EYS: variants seen among roughly 807,000 people sequenced by gnomAD.
EYS encodes protein eyes shut homolog.
Under a neutral mutation model 282.1 loss-of-function variants are expected in EYS, and 250 were observed. That is an observed-to-expected ratio of 0.89 (90% confidence interval 0.80 to 0.98). The LOEUF (loss-of-function observed/expected upper bound fraction) is 0.98, where lower values mean the gene tolerates loss of function less well. Ranked by LOEUF, EYS falls within the 50% of genes least tolerant of loss-of-function variation. The pLI is 0.00. For missense variants in EYS, 4,016 were observed against 3,709.0 expected (o/e 1.08, Z -2.15); for synonymous variants, 1,355 against 1,282.9 (o/e 1.06, Z -1.20).
At chr6:63,784,263 A>ATCTC (rs367672724) in intron 39 of EYS, among the ~76,000 whole-genome samples, 5 of 148,286 alleles carry the variant, frequency 3.4e-5, no homozygotes, top group Admixed American at 1.3e-4. Context: ...CTTATTAAAA[A>ATCTC]TCTCTCTCTC....
chr6:65,051,973 C>T (rs1169607064), intron 13 of EYS, among the ~76,000 whole-genome samples: 1 of 151,476 alleles, frequency 6.6e-6, no homozygotes, highest in Non-Finnish European at 1.5e-5. Flanking sequence ...TCTTTAAATA[C>T]TTCATTGGTA....
At chr6:64,192,474 A>G (rs936396236) in intron 31 of EYS, among the ~76,000 whole-genome samples, 2 of 152,172 alleles carry the variant, frequency 1.3e-5, no homozygotes, top group Non-Finnish European at 2.9e-5. Context: ...TACTGGTATC[A>G]AAACAGAGAT....
At chr6:64,253,472 C>T (rs771694514) in intron 30 of EYS, among the ~76,000 whole-genome samples, 9 of 152,200 alleles carry the variant, frequency 5.9e-5, no homozygotes, top group Non-Finnish European at 1.3e-4. Context: ...GCAACAAACA[C>T]TTGCACAATT....
intron 29 of EYS, among the ~76,000 whole-genome samples, chr6:64,370,777 AT>A (rs1403537243): frequency 7.2e-5 from 11 of 151,988 alleles, no homozygotes; most frequent in Admixed American, 5.9e-4. Flanking sequence ...GAATTTTTCC[AT>A]TTCTACTATG....
intron 41 of EYS, among the ~76,000 whole-genome samples, chr6:63,749,422 G>T (rs920621798): frequency 1.3e-5 from 2 of 152,186 alleles, no homozygotes; most frequent in Non-Finnish European, 2.9e-5. Flanking sequence ...CAATTTTAGA[G>T]TGTGTGCCAT....
intron 12 of EYS, among the ~76,000 whole-genome samples, chr6:65,277,504 A>AAAACTTTTTT (rs1768082144): frequency 6.6e-6 from 1 of 151,932 alleles, no homozygotes; most frequent in Non-Finnish European, 1.5e-5. Flanking sequence ...CTATGTGAGG[A>AAAACTTTTTT]TACAAGGAGT....
intron 26 of EYS, among the ~76,000 whole-genome samples, chr6:64,471,026 G>A (rs185311965): frequency 4.7e-4 from 72 of 152,160 alleles, no homozygotes; most frequent in African/African-American, 1.7e-3. Flanking sequence ...TCTTCCAAGG[G>A]ACACTATTGT....
chr6:63,835,838 T>A (rs1018305200), intron 36 of EYS, among the ~76,000 whole-genome samples: 1 of 152,060 alleles, frequency 6.6e-6, no homozygotes, highest in Non-Finnish European at 1.5e-5. Flanking sequence ...TAGAAAAAAG[T>A]GATAAATTTG....
At position 65,494,770 on chromosome 6, in the gene EYS, A is replaced by G. The variant is rs77850915; in HGVS notation, c.641T>C (p.Leu214Pro). ...ACATGGTTTAAAAGAACATGCATCA[A>G]GTTCCTGGCAGTATTTTCCAGAAAA... ...PPFSGKYCQE[L>P]DACSFKPCKN... The change falls in exon 4 of 43, where the codon CTT (leucine) becomes CCT (proline). Residue 214 changes from leucine to proline, a missense_variant. Coordinates refer to ENST00000503581, the MANE Select transcript of EYS (RefSeq NM_001142800.2). 7 of 1,614,126 alleles carry G rather than the reference A, an allele frequency of 4.3e-6. No homozygotes were observed. In the South Asian group the frequency reaches 6.6e-5, roughly 15 times the overall value.
chr6:65,048,963 T>A (rs964926473), intron 13 of EYS, among the ~76,000 whole-genome samples: 1 of 151,860 alleles, frequency 6.6e-6, no homozygotes, highest in Non-Finnish European at 1.5e-5. Context: ...CTTTCCAGTG[T>A]GCCATAAGTA....
intron 34 of EYS, among the ~76,000 whole-genome samples, chr6:63,996,222 C>G (rs891258733): frequency 6.6e-6 from 1 of 151,770 alleles, no homozygotes; most frequent in African/African-American, 2.4e-5. Flanking sequence ...AATAAGCCAG[C>G]CACAGAGTAC....
chr6:64,296,024 A>G (rs1421149313), intron 30 of EYS, among the ~76,000 whole-genome samples: 1 of 152,244 alleles, frequency 6.6e-6, no homozygotes, highest in South Asian at 2.1e-4. Context: ...TAAAAGATCC[A>G]TTCAAAATGC....
At chr6:65,459,364 T>C (rs1368892414) in intron 5 of EYS, among the ~76,000 whole-genome samples, 1 of 152,102 alleles carries the variant, frequency 6.6e-6, no homozygotes, top group Non-Finnish European at 1.5e-5. Context: ...GAATAATTGC[T>C]GTCATTATCT....
intron 2 of EYS, among the ~76,000 whole-genome samples, chr6:65,594,907 T>C (rs1267765249): frequency 2.6e-5 from 4 of 152,248 alleles, no homozygotes; most frequent in Middle Eastern, 6.8e-3. Context: ...CCAGCACCAT[T>C]TATTAAATAG....
At chr6:64,660,792 C>A (rs1173923567) in intron 22 of EYS, among the ~76,000 whole-genome samples, 2 of 152,138 alleles carry the variant, frequency 1.3e-5, no homozygotes, top group Non-Finnish European at 2.9e-5. Context: ...GAATCAATAT[C>A]ATGAAAATGG....
At chr6:64,548,453 A>T (rs530862487) in intron 26 of EYS, among the ~76,000 whole-genome samples, 2 of 152,216 alleles carry the variant, frequency 1.3e-5, no homozygotes, top group Non-Finnish European at 2.9e-5. Flanking sequence ...GGTAGACTGG[A>T]TTAAGAAAAT....
chr6:65,695,664 A>G (rs1316135536), intron 1 of EYS, among the ~76,000 whole-genome samples: 1 of 151,924 alleles, frequency 6.6e-6, no homozygotes, highest in Admixed American at 6.6e-5. Flanking sequence ...CTACCTTAGC[A>G]ATGTTATATC....
chr6:64,505,274 A>T (rs955884126), intron 26 of EYS, among the ~76,000 whole-genome samples: 5 of 152,180 alleles, frequency 3.3e-5, no homozygotes, highest in Non-Finnish European at 7.3e-5. Flanking sequence ...GTTGGCATGC[A>T]TGCTTCTTCC....
intron 2 of EYS, among the ~76,000 whole-genome samples, chr6:65,526,300 C>T (rs948085481): frequency 2.6e-5 from 4 of 152,146 alleles, no homozygotes; most frequent in Admixed American, 2.6e-4. Context: ...AATCAAACCA[C>T]GGCAGGTGTA....
Sources: allele counts gnomAD v4.1 joint callset (sites outside exome capture counted in the v4.1 genomes callset), GRCh38; gene constraint gnomAD v4.1.1; transcripts MANE v1.5; gene names NCBI Gene and HGNC (gene_info 2026-07-23, HGNC 2026-07-21).